The following ENTPD7 variants were observed in gnomAD, a reference collection of about 807,000 sequenced individuals.
The protein encoded by ENTPD7 is NTPDase 7.
ENTPD7 carries 53 observed loss-of-function variants against 77.9 expected under a neutral mutation model. That is an observed-to-expected ratio of 0.68 (90% CI 0.55 to 0.85). The LOEUF (loss-of-function observed/expected upper bound fraction) is 0.85. Ranked by LOEUF, ENTPD7 falls within the 40% of genes least tolerant of loss-of-function variation. The probability of loss-of-function intolerance (pLI) is 0.00; values close to 1 mark genes in which losing one functional copy is unlikely to be tolerated. For synonymous variants in ENTPD7, 248 were observed against 274.9 expected (o/e 0.90, Z 0.97); for missense variants, 636 against 743.7 (o/e 0.86, Z 1.68).
rs912611079 is a variant in ENTPD7 at position 99,670,967 on chromosome 10, G to A, written c.192-8294G>A. ...CAGGAGGCCAAGGCTTCAGTGAGTCGTAATTGCTCCGCTGCACTCCATCCT... is the reference window on the plus strand; with the variant it reads ...CAGGAGGCCAAGGCTTCAGTGAGTCATAATTGCTCCGCTGCACTCCATCCT... On this transcript the variant is annotated intron_variant, in intron 3 of 12. Transcript: ENST00000370489. Among the ~76,000 whole-genome samples the A allele has an allele frequency of 1.1e-4, 17 of 152,134 alleles. No individual in the cohort carries two copies. In the East Asian group the frequency reaches 1.5e-3, roughly 14 times the overall value.
rs143132922 is a variant in ENTPD7, at chr10:99,698,476, T to C, written c.1011-58T>C. ...CTGATGCACATTGTGTTTCTTAGAC[T>C]AGGTTGAATACAGGCATGACGTGTT... is the stretch of plus-strand genomic sequence containing the variant. On this transcript the variant is annotated intron_variant, in intron 9 of 12. Coordinates refer to ENST00000370489, the MANE Select transcript of ENTPD7 (RefSeq NM_020354.5). The C allele has an allele frequency of 4.0e-6, 6 of 1,514,162 alleles. No individual in the cohort carries two copies. In the East Asian group the frequency reaches 6.8e-5, roughly 17 times the overall value. 93.8% of individuals were successfully genotyped at this position (1,514,162 alleles called of 1,614,324 possible).
Position 99,710,983 on chromosome 10 carries a change from CTTG to C in ENTPD7, c.*6303_*6305del, listed in dbSNP as rs2036364279. On this transcript the variant is annotated 3_prime_UTR_variant, in exon 13 of 13. Coordinates refer to ENST00000370489, the MANE Select transcript of ENTPD7 (RefSeq NM_020354.5). The stretch of plus-strand genomic sequence containing the variant: ...ATTTAATCCTATAGGTATGTGATGA[CTTG>C]TTTTTTTGGAAAAAGGTATTTGGAA... 6.1e-6 allele frequency: 6 copies of C among 985,194 alleles called. No individual in the cohort carries two copies. Among genetic ancestry groups the C allele is most frequent in the Non-Finnish European group, 7.2e-6 (6 of 829,818 alleles). The allele number at this position is 985,194 out of a possible 1,614,324, so 61.0% of individuals were successfully genotyped here.
At chr10:99,695,320 C>G (rs990073683) in intron 8 of ENTPD7, among the ~76,000 whole-genome samples, 1 of 151,948 alleles carries the variant, frequency 6.6e-6, no homozygotes, top group Non-Finnish European at 1.5e-5. Flanking sequence ...GTCAAGAGAT[C>G]GAGAACATCC....
At chr10:99,663,634 G>T (rs1286342911) in intron 3 of ENTPD7, among the ~76,000 whole-genome samples, 6 of 151,448 alleles carry the variant, frequency 4.0e-5, no homozygotes, top group African/African-American at 1.5e-4. Flanking sequence ...TAATTTTTTT[G>T]ATTTTTAGTA....
chr10:99,674,975 C>T lies in ENTPD7; in HGVS notation c.192-4286C>T, dbSNP rs958630964. On this transcript the variant is annotated intron_variant, in intron 3 of 12. Transcript: ENST00000370489. ...TGAAAGGGGAAATAGGTATTAAGCACTTCTGCTATATGCTGAAGTTGTCTA... is the reference window on the plus strand; with the variant it reads ...TGAAAGGGGAAATAGGTATTAAGCATTTCTGCTATATGCTGAAGTTGTCTA... Among the ~76,000 whole-genome samples the T allele has an allele frequency of 2.0e-5, 3 of 152,218 alleles. No individual in the cohort carries two copies. The East Asian group carries it at 5.8e-4, about 29-fold the overall frequency.
At chr10:99,669,042 C>CT (rs35881509) in intron 3 of ENTPD7, among the ~76,000 whole-genome samples, 13,377 of 137,754 alleles carry the variant, frequency 0.097, 797 homozygotes, top group East Asian at 0.2. Context: ...TTTTATATAT[C>CT]TTTTTTTTTT....
At chr10:99,671,080 ATG>A (rs1194772356) in intron 3 of ENTPD7, among the ~76,000 whole-genome samples, 2 of 152,026 alleles carry the variant, frequency 1.3e-5, no homozygotes, top group African/African-American at 4.8e-5. Context: ...CTTACCATCA[ATG>A]GAGCTCACAG....
chr10:99,701,103 G>A (rs1208498552), intron 11 of ENTPD7, 45 bp downstream of exon 11: 2 of 1,437,400 alleles, frequency 1.4e-6, no homozygotes, highest in Admixed American at 3.4e-5. Flanking sequence ...TTAAAATCTA[G>A]ATGGCAGATT....
At position 99,704,722 on chromosome 10, in the gene ENTPD7, T is replaced by G; in HGVS notation, c.*39T>G. The G allele has an allele frequency of 6.5e-7, 1 of 1,548,654 alleles. No individual in the cohort carries two copies. Among genetic ancestry groups the G allele is most frequent in the Non-Finnish European group, 8.8e-7 (1 of 1,134,978 alleles). ...CTAGAGAAGCTTGAGCACCCCCGAG[T>G]TGCTGCTCATTGAATTCCTCCACTT... On this transcript the variant is annotated 3_prime_UTR_variant, in exon 13 of 13. Coordinates refer to ENST00000370489, the MANE Select transcript of ENTPD7 (RefSeq NM_020354.5).
intron 3 of ENTPD7, among the ~76,000 whole-genome samples, chr10:99,667,225 A>G (rs1215575008): frequency 6.6e-6 from 1 of 152,200 alleles, no homozygotes; most frequent in Non-Finnish European, 1.5e-5. Flanking sequence ...TTCTGTATAT[A>G]TTGCCACAAA....
rs533964181 is a variant in ENTPD7 at position 99,709,527 on chromosome 10, G to A, written c.*4844G>A. The A allele has an allele frequency of 5.0e-5, 49 of 979,252 alleles. No homozygotes were observed. The African/African-American group carries it at 5.6e-4, about 11-fold the overall frequency. The allele number at this position is 979,252 out of a possible 1,614,324, so 60.7% of individuals were successfully genotyped here. ...CAAAAGTTGTGATTAATAATAACAG[G>A]ATTATTAGTCAATAATATTTTGATT... is the stretch of plus-strand genomic sequence containing the variant. On this transcript the variant is annotated 3_prime_UTR_variant, in exon 13 of 13. Transcript: ENST00000370489.
chr10:99,694,133 G>A (rs886245551), intron 8 of ENTPD7, among the ~76,000 whole-genome samples: 1 of 151,748 alleles, frequency 6.6e-6, no homozygotes, highest in African/African-American at 2.4e-5. Context: ...ACATTTCATC[G>A]CCCCAAAAAG....
intron 5 of ENTPD7, among the ~76,000 whole-genome samples, chr10:99,684,635 T>C (rs1331603878): frequency 6.6e-6 from 1 of 152,260 alleles, no homozygotes; most frequent in African/African-American, 2.4e-5. Context: ...CATCAAGTAG[T>C]ACTGACAACT....
chr10:99,659,963 A>G lies in ENTPD7; in HGVS notation c.7A>G (p.Arg3Gly), dbSNP rs768540983. 6.8e-6 allele frequency: 11 copies of G among 1,613,880 alleles called. No individual in the cohort carries two copies. Among genetic ancestry groups the G allele is most frequent in the Non-Finnish European group, 7.6e-6 (9 of 1,179,982 alleles). Residue 3 changes from arginine (R) to glycine (G), a missense_variant and splice_region_variant, in exon 2 of 13, where the codon AGG (arginine) becomes GGG (glycine). This residue lies in a region of ENTPD7 where 486 missense variants were observed against 556.5 expected (regional missense o/e 0.87). Transcript: ENST00000370489. The surrounding 1 kb of genome is among the most constrained non-coding windows in gnomAD (Gnocchi z 4.1). MA[R>G]ISFSYLCPAS... ...AGACCACCGAAGGGAACCCATGGCT[A>G]GGTAAGGCTGCACACTTTCCCTCCG...
At chr10:99,672,287 C>T (rs1337300152) in intron 3 of ENTPD7, among the ~76,000 whole-genome samples, 2 of 149,698 alleles carry the variant, frequency 1.3e-5, no homozygotes, top group African/African-American at 2.5e-5. Flanking sequence ...GTCTGTCCCA[C>T]ATTTATTCAG....
At chr10:99,702,485 T>A (rs760550007) in intron 11 of ENTPD7, 27 bp from the exon 12 acceptor site, 26 of 1,509,926 alleles carry the variant, frequency 1.7e-5, no homozygotes, top group Middle Eastern at 1.7e-4. Flanking sequence ...TCTCTTTTTT[T>A]AAAATTTAAT....
chr10:99,682,669 C>T lies in ENTPD7; in HGVS notation c.548+2794C>T, dbSNP rs1054301977. On this transcript the variant is annotated intron_variant, in intron 5 of 12. Transcript: ENST00000370489. ...CTTTCTGTTCACATATATGTAATTTCCACAAAGTTGCAATCATACTGTGCA... is the reference window on the plus strand; with the variant it reads ...CTTTCTGTTCACATATATGTAATTTTCACAAAGTTGCAATCATACTGTGCA... Among the ~76,000 whole-genome samples the T allele has an allele frequency of 3.3e-5, 5 of 152,128 alleles. No homozygotes were observed. The South Asian group carries it at 1.0e-3, about 32-fold the overall frequency.
At chr10:99,696,699 G>C (rs145213851) in intron 9 of ENTPD7, among the ~76,000 whole-genome samples, 2 of 152,184 alleles carry the variant, frequency 1.3e-5, no homozygotes, top group Non-Finnish European at 2.9e-5. Flanking sequence ...AACAGTGGTG[G>C]GATTTCTTGT....
Position 99,709,381 on chromosome 10 carries a change from A to G in ENTPD7, c.*4698A>G. The G allele has an allele frequency of 1.0e-6, 1 of 985,410 alleles. No homozygotes were observed. Among genetic ancestry groups the G allele is most frequent in the African/African-American group, 1.7e-5 (1 of 57,360 alleles). The allele number at this position is 985,410 out of a possible 1,614,324, so 61.0% of individuals were successfully genotyped here. On this transcript the variant is annotated 3_prime_UTR_variant, in exon 13 of 13. Transcript: ENST00000370489. ...ATGGTAGAAATAGCAGATGTTTCAA[A>G]TTCTCCCATATTAGTCTCTTAGGGA... is the stretch of plus-strand genomic sequence containing the variant.
Sources: gnomAD v4.1 joint callset for allele counts (sites outside exome capture counted in the v4.1 genomes callset) on GRCh38, gnomAD v4.1.1 for gene constraint, gnomAD v4.1.1 regional missense constraint, Gnocchi (gnomAD v3.1) non-coding constraint, MANE v1.5 for transcripts, NCBI Gene and HGNC (gene_info 2026-07-23, HGNC 2026-07-21) for gene names.